Variants in SEMA3E observed in about 807,000 individuals in gnomAD.
The protein encoded by SEMA3E is semaphorin-3E.
In SEMA3E, 49 loss-of-function variants were observed where a neutral mutation model predicts 93.6. The ratio of observed to expected loss-of-function variants is 0.52; its 90% CI spans 0.42 to 0.66. The LOEUF (loss-of-function observed/expected upper bound fraction) is 0.66, where lower values mean the gene tolerates loss of function less well. Among genes scored for constraint, SEMA3E ranks in the 30% least tolerant of loss-of-function variants. The pLI is 0.00. For synonymous variants in SEMA3E, 363 were observed against 330.7 expected (o/e 1.10, Z -1.06); for missense variants, 906 against 964.8 (o/e 0.94, Z 0.81).
chr7:83,571,088 GGAAA>G (rs895918456), intron 1 of SEMA3E, among the ~76,000 whole-genome samples: 3 of 147,838 alleles, frequency 2.0e-5, no homozygotes, highest in Non-Finnish European at 3.0e-5. Context: ...AAAAAAAAAA[GGAAA>G]GAAAGAAAAG....
chr7:83,629,616 C>A (rs1310122742), intron 1 of SEMA3E, among the ~76,000 whole-genome samples: 2 of 152,164 alleles, frequency 1.3e-5, no homozygotes, highest in African/African-American at 4.8e-5. Context: ...CTACTCAAGC[C>A]TCAGTAATGG....
At chr7:83,453,436 A>G (rs1789406154) in intron 4 of SEMA3E, among the ~76,000 whole-genome samples, 2 of 144,522 alleles carry the variant, frequency 1.4e-5, no homozygotes, top group African/African-American at 2.5e-5. Context: ...AAAAAAAAAA[A>G]GTACCATTGT....
At chr7:83,476,745 G>C (rs1001978422) in intron 2 of SEMA3E, among the ~76,000 whole-genome samples, 1 of 152,050 alleles carries the variant, frequency 6.6e-6, no homozygotes, top group African/African-American at 2.4e-5. Context: ...TTCTGCTCCA[G>C]AGTTTAGCAT....
intron 4 of SEMA3E, among the ~76,000 whole-genome samples, chr7:83,461,708 C>T (rs1789621103): frequency 6.6e-6 from 1 of 152,178 alleles, no homozygotes; most frequent in Admixed American, 6.5e-5. Flanking sequence ...ATTACCCAAT[C>T]TGCTCCCGAC....
Position 83,364,545 on chromosome 7 carries a change from G to T in SEMA3E, c.*3041C>A, listed in dbSNP as rs1254774312. 6.6e-6 allele frequency: 1 copy of T among 152,076 alleles called. No homozygotes were observed. The highest frequency in any genetic ancestry group is 1.5e-5 in the Non-Finnish European group (1 of 67,992). The allele number at this position is 152,076 out of a possible 1,614,324, so 9.4% of individuals were successfully genotyped here. A position where few individuals can be genotyped will look rare whatever the true frequency, so the allele number is the denominator to read the frequency against. ...GAAATATTCAGTAATTCACACAAAA[G>T]AAAAAATTAGCAATATAGAATTATA... On this transcript the variant is annotated 3_prime_UTR_variant, in exon 17 of 17. Transcript: ENST00000643230.
intron 4 of SEMA3E, among the ~76,000 whole-genome samples, chr7:83,452,237 G>A (rs1789378329): frequency 6.6e-6 from 1 of 152,096 alleles, no homozygotes. Context: ...AATTAGGAAT[G>A]CCATGGAAGA....
intron 1 of SEMA3E, chr7:83,616,762 T>A: frequency 2.2e-6 from 1 of 451,100 alleles, no homozygotes; most frequent in South Asian, 1.6e-5. Flanking sequence ...TTTGCTCTTG[T>A]TGCCCAGGCT....
chr7:83,642,075 T>G (rs1794019278), intron 1 of SEMA3E, among the ~76,000 whole-genome samples: 1 of 152,192 alleles, frequency 6.6e-6, no homozygotes, highest in Non-Finnish European at 1.5e-5. Context: ...AAGAGTGTTT[T>G]CTAATACCTG....
chr7:83,593,882 G>A (rs191694743), intron 1 of SEMA3E, among the ~76,000 whole-genome samples: 1 of 152,246 alleles, frequency 6.6e-6, no homozygotes, highest in Non-Finnish European at 1.5e-5. Context: ...CATGTACTGT[G>A]TAACTGGAAG....
rs1170817968 is a variant in SEMA3E, at chr7:83,365,004, T to C, written c.*2582A>G. 2.6e-5 allele frequency: 4 copies of C among 152,216 alleles called. No homozygotes were observed. Among genetic ancestry groups the C allele is most frequent in the Admixed American group, 2.6e-4 (4 of 15,278 alleles). The allele number at this position is 152,216 out of a possible 1,614,324, so 9.4% of individuals were successfully genotyped here. On this transcript the variant is annotated 3_prime_UTR_variant, in exon 17 of 17. Transcript: ENST00000643230. ...ACAACAGATTCTGAATTTGAATTAA[T>C]TCTAACCTCAGACAGAACAAAAGAC...
chr7:83,642,143 T>C (rs1794020734), intron 1 of SEMA3E, among the ~76,000 whole-genome samples: 1 of 152,194 alleles, frequency 6.6e-6, no homozygotes, highest in Non-Finnish European at 1.5e-5. Flanking sequence ...TCCTTGAGCA[T>C]AGCACAGTGA....
intron 1 of SEMA3E, among the ~76,000 whole-genome samples, chr7:83,532,186 A>G (rs546889884): frequency 3.9e-5 from 6 of 152,292 alleles, no homozygotes; most frequent in African/African-American, 1.4e-4. Flanking sequence ...TTTTCTTGTT[A>G]TATTTTTCTT....
chr7:83,432,452 C>T (rs929574140), intron 4 of SEMA3E, among the ~76,000 whole-genome samples: 1 of 152,112 alleles, frequency 6.6e-6, no homozygotes, highest in Non-Finnish European at 1.5e-5. Flanking sequence ...GAGATGTTCT[C>T]ACACTTTGCT....
intron 1 of SEMA3E, among the ~76,000 whole-genome samples, chr7:83,560,678 A>C (rs943320599): frequency 6.6e-6 from 1 of 151,954 alleles, no homozygotes; most frequent in African/African-American, 2.4e-5. Flanking sequence ...ATTTTGATAA[A>C]TGTTTACTTA....
chr7:83,490,071 C>T, intron 2 of SEMA3E, 43 bp downstream of exon 2: 4 of 1,588,092 alleles, frequency 2.5e-6, no homozygotes, highest in Non-Finnish European at 3.5e-6. Context: ...GAAATTTCCC[C>T]CCTTTTCTAT....
At chr7:83,371,786 A>C (rs1259276670) in intron 16 of SEMA3E, 1 of 152,062 alleles carries the variant, frequency 6.6e-6, no homozygotes, top group Non-Finnish European at 1.5e-5. Flanking sequence ...CCCTTAAATA[A>C]ACTCCTTTCT....
intron 2 of SEMA3E, among the ~76,000 whole-genome samples, chr7:83,472,666 C>T (rs1370747222): frequency 6.6e-6 from 1 of 152,172 alleles, no homozygotes; most frequent in Non-Finnish European, 1.5e-5. Context: ...GTGTTTCTCA[C>T]CGAAACACTC....
At chr7:83,423,535 G>A (rs542308778) in intron 4 of SEMA3E, among the ~76,000 whole-genome samples, 6 of 140,114 alleles carry the variant, frequency 4.3e-5, no homozygotes, top group East Asian at 2.1e-4. Context: ...ACAGAGTCTC[G>A]CTCTGTCGCC....
intron 4 of SEMA3E, among the ~76,000 whole-genome samples, chr7:83,440,256 C>T (rs1382746471): frequency 1.3e-5 from 2 of 151,890 alleles, no homozygotes; most frequent in Non-Finnish European, 2.9e-5. Flanking sequence ...TAATGAGGTA[C>T]ATAGTGTTAT....
Sources: allele counts gnomAD v4.1 joint callset (sites outside exome capture counted in the v4.1 genomes callset), GRCh38; gene constraint gnomAD v4.1.1; transcripts MANE v1.5; gene names NCBI Gene and HGNC (gene_info 2026-07-23, HGNC 2026-07-21).